Variants in CFAP47 observed in about 807,000 individuals in gnomAD.
The protein encoded by CFAP47 is cilia and flagella associated protein 47.
Under a neutral mutation model 148.1 loss-of-function variants are expected in CFAP47, and 29 were observed. That is an observed-to-expected ratio of 0.20 (90% confidence interval 0.15 to 0.27). The LOEUF (loss-of-function observed/expected upper bound fraction) is 0.27. Among genes scored for constraint, CFAP47 ranks in the 10% least tolerant of loss-of-function variants. The pLI is 1.00. For missense variants in CFAP47, 1,872 were observed against 1,697.5 expected, an observed-to-expected ratio of 1.10 and a Z score of -1.81; for synonymous variants, 664 against 577.3, an observed-to-expected ratio of 1.15 and a Z score of -2.15.
chrX:36,144,491 TG>T, intron 35 of CFAP47: 1 of 929,447 alleles, frequency 1.1e-6, no homozygotes, highest in Middle Eastern at 3.9e-4. Context: ...TCTTATTTGA[TG>T]GTTAATATTA....
At chrX:35,968,960 C>T (rs923884725) in intron 10 of CFAP47, among the ~76,000 whole-genome samples, 5 of 109,602 alleles carry the variant, frequency 4.6e-5, no homozygotes, top group Admixed American at 3.9e-4. Context: ...AGGTTATACA[C>T]ATCTATATAG....
intron 55 of CFAP47, among the ~76,000 whole-genome samples, chrX:36,309,839 T>C (rs1941379311): frequency 9.0e-6 from 1 of 111,447 alleles, no homozygotes; most frequent in Non-Finnish European, 1.9e-5. Flanking sequence ...AGTTAGGACG[T>C]TATTATTGAA....
At chrX:36,274,525 T>A (rs1556002352) in intron 49 of CFAP47, among the ~76,000 whole-genome samples, 1 of 111,916 alleles carries the variant, frequency 8.9e-6, no homozygotes, top group Admixed American at 9.5e-5. Context: ...GCATCTATAC[T>A]TGATAGTATT....
At chrX:36,229,880 G>A (rs1310474651) in intron 46 of CFAP47, among the ~76,000 whole-genome samples, 8 of 98,364 alleles carry the variant, frequency 8.1e-5, no homozygotes, top group Non-Finnish European at 1.4e-4. Context: ...TTGTTCTTGC[G>A]ATAGTTTACT....
chrX:35,981,299 C>A (rs1180429255), intron 15 of CFAP47, among the ~76,000 whole-genome samples: 2 of 106,830 alleles, frequency 1.9e-5, no homozygotes, highest in Admixed American at 1.0e-4. Context: ...TCAAATATGT[C>A]AATTCTAGCA....
chrX:36,306,945 TTCA>T (rs1212776798), intron 55 of CFAP47, 69 bp downstream of exon 55: 8 of 436,974 alleles, frequency 1.8e-5, no homozygotes, highest in Non-Finnish European at 2.8e-5. Context: ...ATAAATATAA[TTCA>T]TCATTCACTC....
intron 60 of CFAP47, among the ~76,000 whole-genome samples, chrX:36,360,554 A>G (rs1941820449): frequency 2.7e-5 from 3 of 111,866 alleles, no homozygotes; most frequent in Admixed American, 9.5e-5. Flanking sequence ...TGGATTCTGG[A>G]TTAGCACAGC....
At chrX:36,033,376 A>G (rs1176077854) in intron 23 of CFAP47, among the ~76,000 whole-genome samples, 2 of 111,922 alleles carry the variant, frequency 1.8e-5, no homozygotes, top group Non-Finnish European at 3.8e-5. Context: ...AAATATAAAG[A>G]AAAAATAACA....
At chrX:35,989,215 T>C (rs1936756100) in intron 15 of CFAP47, 104 bp from the exon 16 acceptor site, 1 of 591,969 alleles carries the variant, frequency 1.7e-6, no homozygotes. Context: ...ATAGTTTATT[T>C]AATGCAATCA....
At chrX:36,284,692 T>C (rs1389093721) in intron 50 of CFAP47, among the ~76,000 whole-genome samples, 1 of 111,651 alleles carries the variant, frequency 9.0e-6, no homozygotes. Context: ...ATTCCACTAG[T>C]TTGTGCTTCT....
rs1169000528 is a variant in CFAP47, at chrX:36,303,833, T to A, written c.7971-16T>A. 1.1e-6 allele frequency: 1 copy of A among 924,253 alleles called. No homozygotes were observed. The highest frequency in any genetic ancestry group is 1.5e-6 in the Non-Finnish European group (1 of 687,425). The allele number at this position is 924,253 out of a possible 1,213,427, so 76.2% of individuals were successfully genotyped here. Reference sequence around the variant, plus strand: ...TATGAATACCAGCAACTTTACTAGCTTTTTTTTTCTCCTAGGCATGTCACT... The same window carrying A: ...TATGAATACCAGCAACTTTACTAGCATTTTTTTTCTCCTAGGCATGTCACT... On this transcript the variant is annotated splice_polypyrimidine_tract_variant and intron_variant, in intron 53 of 63. Transcript: ENST00000378653.
chrX:36,270,887 T>G (rs1171800368), intron 49 of CFAP47, among the ~76,000 whole-genome samples: 1 of 109,261 alleles, frequency 9.2e-6, no homozygotes, highest in Non-Finnish European at 1.9e-5. Flanking sequence ...ATGAATTGCT[T>G]TTTTCTTACA....
At chrX:36,188,979 A>G (rs1353089224) in intron 41 of CFAP47, among the ~76,000 whole-genome samples, 1 of 111,380 alleles carries the variant, frequency 9.0e-6, no homozygotes, top group East Asian at 2.8e-4. Context: ...GGCTTATTCC[A>G]AATTGTTTAA....
At chrX:36,188,474 T>C in intron 40 of CFAP47, 146 bp from the exon 41 acceptor site, 1 of 286,753 alleles carries the variant, frequency 3.5e-6, no homozygotes. Flanking sequence ...GAACATCAAA[T>C]AATATTTGAA....
chrX:35,942,741 A>G (rs1334223832), intron 3 of CFAP47, among the ~76,000 whole-genome samples: 13 of 111,881 alleles, frequency 1.2e-4, no homozygotes, highest in South Asian at 3.7e-4. Flanking sequence ...AACTCTCTGT[A>G]AGTAAAAAAG....
chrX:36,131,109 G>T (rs768520893), intron 33 of CFAP47, among the ~76,000 whole-genome samples: 1 of 111,046 alleles, frequency 9.0e-6, no homozygotes, highest in Non-Finnish European at 1.9e-5. Context: ...TGAGGAGATG[G>T]ATGCCCTATT....
chrX:35,932,264 CTT>C (rs546795196), intron 2 of CFAP47, among the ~76,000 whole-genome samples: 2 of 91,955 alleles, frequency 2.2e-5, no homozygotes, highest in Non-Finnish European at 2.1e-5. Flanking sequence ...TTCTTTCTTT[CTT>C]TTTTTTTTTT....
chrX:36,211,541 T>A, intron 45 of CFAP47: 1 of 305,600 alleles, frequency 3.3e-6, no homozygotes, highest in South Asian at 3.4e-5. Flanking sequence ...AAAAGCAGCC[T>A]CATGAAAAGA....
rs782759094 is a variant in CFAP47, at chrX:36,223,302, C to T, written c.6818-5326C>T. Among the ~76,000 whole-genome samples, 5 of 110,505 alleles carry T rather than the reference C, an allele frequency of 4.5e-5. No individual in the cohort carries two copies. In the South Asian group the frequency reaches 1.9e-3, roughly 42 times the overall value. ...GAGAGCAGGTAAGTTAGTCTTTTGA[C>T]TTATACAATAGAAAAAAAGCCTACA... On this transcript the variant is annotated intron_variant, in intron 45 of 63. Transcript: ENST00000378653.
Sources: allele counts gnomAD v4.1 joint callset (sites outside exome capture counted in the v4.1 genomes callset), GRCh38; gene constraint gnomAD v4.1.1; transcripts MANE v1.5; gene names NCBI Gene and HGNC (gene_info 2026-07-23, HGNC 2026-07-21).